Variants in CEP350 observed in about 807,000 individuals in gnomAD.
CEP350 encodes centrosome-associated protein 350.
In CEP350, 126 loss-of-function variants were observed where a neutral mutation model predicts 331.8. The ratio of observed to expected loss-of-function variants is 0.38; its 90% CI spans 0.33 to 0.44. The LOEUF is 0.44. CEP350 is among the 20% of genes least tolerant of loss of function. CEP350 has a pLI of 1.00. For missense variants in CEP350, 3,406 were observed against 3,634.6 expected (o/e 0.94, Z 1.62); for synonymous variants, 1,200 against 1,259.5 (o/e 0.95, Z 1.00).
intron 1 of CEP350, among the ~76,000 whole-genome samples, chr1:179,965,636 T>C (rs1028652363): frequency 7.0e-6 from 1 of 142,382 alleles, no homozygotes; most frequent in Non-Finnish European, 1.5e-5. Context: ...TTTTTTTTTT[T>C]TGAGATAGAG....
At chr1:180,035,450 A>G (rs1368298159) in intron 16 of CEP350, among the ~76,000 whole-genome samples, 2 of 152,208 alleles carry the variant, frequency 1.3e-5, no homozygotes, top group African/African-American at 4.8e-5. Context: ...GCTTCAAAGG[A>G]TGAGCTGACT....
chr1:179,991,665 A>ATGTGTGTG (rs1478542787), intron 4 of CEP350, among the ~76,000 whole-genome samples: 211 of 68,610 alleles, frequency 3.1e-3, no homozygotes, highest in Middle Eastern at 7.1e-3. Flanking sequence ...GTATATATAT[A>ATGTGTGTG]TATGTGTGTG....
chr1:180,067,529 A>G (rs1296561777), intron 27 of CEP350, among the ~76,000 whole-genome samples: 1 of 152,134 alleles, frequency 6.6e-6, no homozygotes, highest in Admixed American at 6.5e-5. Flanking sequence ...ATCTCTACTA[A>G]AAATACAACA....
Position 179,992,127 on chromosome 1 carries a change from G to A in CEP350, c.301G>A (p.Glu101Lys). Residue 101 changes from glutamate (E) to lysine (K), a missense_variant, in exon 5 of 38, where the codon GAG becomes AAG. Physicochemically the swap from Glu to Lys is moderately conservative, Grantham distance 56 (BLOSUM62 1). Coordinates refer to ENST00000367607, the MANE Select transcript of CEP350 (RefSeq NM_014810.5). ...PISKSTKSRK[E>K]KSRSPLRATT... ...CTCCAAATCCACTAAATCACGAAAAGAGAAATCTCGTAGTCCTCTCAGGGC... is the reference window on the plus strand; with the variant it reads ...CTCCAAATCCACTAAATCACGAAAAAAGAAATCTCGTAGTCCTCTCAGGGC... The A allele has an allele frequency of 1.3e-6, 2 of 1,551,216 alleles. No homozygotes were observed. Among genetic ancestry groups the A allele is most frequent in the African/African-American group, 1.4e-5 (1 of 72,258 alleles).
At chr1:180,049,761 C>G (rs937529630) in intron 22 of CEP350, among the ~76,000 whole-genome samples, 2 of 152,178 alleles carry the variant, frequency 1.3e-5, no homozygotes, top group Non-Finnish European at 2.9e-5. Flanking sequence ...TCAGGCTGAT[C>G]TCGAACTCCT....
intron 22 of CEP350, among the ~76,000 whole-genome samples, chr1:180,050,689 A>G (rs1657439193): frequency 6.7e-6 from 1 of 150,274 alleles, no homozygotes; most frequent in Admixed American, 6.6e-5. Context: ...AAAAAAAAAA[A>G]ACAAAAAAAC....
intron 13 of CEP350, 92 bp downstream of exon 13, chr1:180,022,940 C>A (rs931541861): frequency 5.6e-6 from 7 of 1,240,260 alleles, no homozygotes; most frequent in Non-Finnish European, 7.8e-6. Flanking sequence ...AAGTTTTGCT[C>A]ATTTAAAAAT....
In CEP350 at chr1:180,113,134, G is replaced by C. The variant is rs1801795; in HGVS notation, c.*1973G>C. On this transcript the variant is annotated 3_prime_UTR_variant, in exon 38 of 38. Coordinates refer to ENST00000367607, the MANE Select transcript of CEP350 (RefSeq NM_014810.5). ...TTTATGTGGCCAAGGAAAAGCAAAG[G>C]CTTTTCTTTTCAGTTTGTGTTATTT... 0.083 allele frequency: 12,718 copies of C among 152,540 alleles called. 708 individuals are homozygous for C. Among genetic ancestry groups the C allele is most frequent in the Non-Finnish European group, 0.12 (8,161 of 67,966 alleles). The allele number at this position is 152,540 out of a possible 1,614,324, so 9.4% of individuals were successfully genotyped here.
intron 16 of CEP350, among the ~76,000 whole-genome samples, chr1:180,035,165 C>T (rs1433556605): frequency 1.3e-5 from 2 of 152,204 alleles, no homozygotes; most frequent in African/African-American, 2.4e-5. Flanking sequence ...GACCCTAATA[C>T]TCTTCAATTT....
At chr1:180,011,872 A>G in intron 8 of CEP350, 57 bp from the exon 9 acceptor site, 1 of 1,186,946 alleles carries the variant, frequency 8.4e-7, no homozygotes, top group East Asian at 2.5e-5. Flanking sequence ...GGTTGAGTAG[A>G]TACACTTCTT....
intron 31 of CEP350, among the ~76,000 whole-genome samples, chr1:180,084,521 C>T (rs1006357483): frequency 9.2e-5 from 14 of 152,170 alleles, no homozygotes; most frequent in Admixed American, 3.9e-4. Context: ...TCCGCCACTA[C>T]GCCCGGCTAA....
intron 1 of CEP350, among the ~76,000 whole-genome samples, chr1:179,970,312 T>A (rs1651350095): frequency 6.6e-6 from 1 of 152,244 alleles, no homozygotes; most frequent in Non-Finnish European, 1.5e-5. Context: ...TTATATTTTA[T>A]AAGTAGAAAC....
chr1:180,054,001 AT>A, intron 24 of CEP350, 67 bp downstream of exon 24: 6 of 1,275,364 alleles, frequency 4.7e-6, no homozygotes, highest in Non-Finnish European at 4.2e-6. Context: ...ATATTTTAAG[AT>A]TTTTTTGTTT....
At chr1:180,044,212 A>G in intron 21 of CEP350, 39 bp downstream of exon 21, 1 of 1,499,840 alleles carries the variant, frequency 6.7e-7, no homozygotes, top group Non-Finnish European at 8.9e-7. Flanking sequence ...ACAGTTTAGT[A>G]GATTGTGATA....
chr1:180,043,959 A>G, intron 20 of CEP350, 92 bp from the exon 21 acceptor site: 15 of 1,107,140 alleles, frequency 1.4e-5, no homozygotes, highest in Non-Finnish European at 1.8e-5. Context: ...TATTTGTTCA[A>G]GATTTTATCT....
At chr1:180,019,194 C>T (rs1338676926) in intron 11 of CEP350, among the ~76,000 whole-genome samples, 1 of 152,160 alleles carries the variant, frequency 6.6e-6, no homozygotes. Context: ...TGACATCATC[C>T]TGTAATCTCT....
At chr1:180,053,232 C>G (rs1218812598) in intron 23 of CEP350, 66 bp downstream of exon 23, 26 of 756,910 alleles carry the variant, frequency 3.4e-5, no homozygotes, top group Non-Finnish European at 5.2e-5. Flanking sequence ...TATGAGAAAA[C>G]ATTTTGTACT....
intron 1 of CEP350, among the ~76,000 whole-genome samples, chr1:179,958,052 A>G (rs1423166628): frequency 1.3e-5 from 2 of 152,220 alleles, no homozygotes; most frequent in East Asian, 1.9e-4. Context: ...TCCATTGCAC[A>G]GCTGCTAAGT....
chr1:180,080,646 T>C lies in CEP350; in HGVS notation c.6109T>C (p.Ser2037Pro), dbSNP rs1659510174. 1.9e-6 allele frequency: 3 copies of C among 1,613,656 alleles called. No individual in the cohort carries two copies. The highest frequency in any genetic ancestry group is 2.5e-6 in the Non-Finnish European group (3 of 1,179,642). The change falls in exon 30 of 38, where the codon TCT (serine) becomes CCT (proline). Residue 2037 changes from serine to proline, a missense_variant. Ser to Pro is a moderately conservative substitution (Grantham distance 74, BLOSUM62 -1). Around this residue, in one of 5 missense-constraint regions of CEP350, gnomAD observed 1,415 missense variants for 1,512.3 expected, o/e 0.94. Transcript: ENST00000367607. ...HCYSWSDESL[S>P]MTQSETTSDQ... ...TTATAGTTGGTCAGATGAGTCATTA[T>C]CTATGACACAGTCAGGTAAGACTAA... is the stretch of plus-strand genomic sequence containing the variant.
Sources: allele counts gnomAD v4.1 joint callset (sites outside exome capture counted in the v4.1 genomes callset), GRCh38; gene constraint gnomAD v4.1.1; regional missense constraint gnomAD v4.1.1; transcripts MANE v1.5; gene names NCBI Gene and HGNC (gene_info 2026-07-23, HGNC 2026-07-21).